The following TUBD1 variants were observed in gnomAD, a reference collection of about 807,000 sequenced individuals.
The protein encoded by TUBD1 is tubulin delta 1, also known as tubulin delta chain.
TUBD1 carries 38 observed loss-of-function variants against 51.2 expected under a neutral mutation model. The observed-to-expected ratio is 0.74, with a 90% CI of 0.57 to 0.97. The LOEUF (loss-of-function observed/expected upper bound fraction) is 0.97. TUBD1 is among the 50% of genes least tolerant of loss of function. The probability of loss-of-function intolerance (pLI) is 0.00; values close to 1 mark genes in which losing one functional copy is unlikely to be tolerated. For synonymous variants in TUBD1, 169 were observed against 178.2 expected, an observed-to-expected ratio of 0.95 and a Z score of 0.41; for missense variants, 489 against 538.4, an observed-to-expected ratio of 0.91 and a Z score of 0.91.
chr17:59,863,668 A>G lies in TUBD1; in HGVS notation c.1255T>C (p.Ser419Pro). The G allele has an allele frequency of 6.4e-7, 1 of 1,550,748 alleles. No individual in the cohort carries two copies. Among genetic ancestry groups the G allele is most frequent in the Non-Finnish European group, 8.7e-7 (1 of 1,155,956 alleles). Reference protein sequence around the residue: ...IVGKAWNMFASKAYIHQYTKF... With the variant: ...IVGKAWNMFAPKAYIHQYTKF... ...GTAGACTTATTTTATACTTACTTTG[A>G]AGCAAACATATTCCATGCCTTCCCA... The change falls in exon 8 of 9, where the codon TCA becomes CCA. Residue 419 changes from serine to proline, a missense_variant. Ser to Pro is a moderately conservative substitution (Grantham distance 74). Transcript: ENST00000325752.
rs542128647 is a variant in TUBD1 at position 59,880,618 on chromosome 17, T to C, written c.537+276A>G. ...CAAGCTCCGCCTCATGGGTTCACGC[T>C]ATACTCCTGCCTCAGCCTCCCGAGT... On this transcript the variant is annotated intron_variant, in intron 4 of 8. Coordinates refer to ENST00000325752, the MANE Select transcript of TUBD1 (RefSeq NM_016261.4). Among the ~76,000 whole-genome samples, 27 of 151,890 alleles carry C rather than the reference T, an allele frequency of 1.8e-4. No individual in the cohort carries two copies. The East Asian group carries it at 4.3e-3, about 24-fold the overall frequency.
intron 6 of TUBD1, among the ~76,000 whole-genome samples, chr17:59,873,062 C>T (rs1192833567): frequency 1.3e-5 from 2 of 151,656 alleles, no homozygotes; most frequent in African/African-American, 4.8e-5. Flanking sequence ...TGCGCCCAGG[C>T]CAATTCTCAA....
intron 6 of TUBD1, 121 bp from the exon 7 acceptor site, chr17:59,866,870 A>G (rs8074458): frequency 0.13 from 95,592 of 718,104 alleles, 13,196 homozygotes; most frequent in African/African-American, 0.58. Context: ...TGCAACCTCC[A>G]TCTCCCAGGA....
intron 8 of TUBD1, 112 bp downstream of exon 8, chr17:59,863,552 T>G: frequency 1.2e-6 from 1 of 802,356 alleles, no homozygotes; most frequent in Non-Finnish European, 1.7e-6. Flanking sequence ...GAGGTTGCAG[T>G]GAGCCAGTGA....
intron 3 of TUBD1, chr17:59,884,612 T>A (rs2144557372): frequency 6.7e-6 from 1 of 150,260 alleles, no homozygotes; most frequent in East Asian, 2.0e-4. Flanking sequence ...AGACTCCGTC[T>A]CAAAAAAATA....
At chr17:59,860,511 T>C (rs555811869) in intron 8 of TUBD1, 87 bp from the exon 9 acceptor site, 1 of 786,966 alleles carries the variant, frequency 1.3e-6, no homozygotes, top group East Asian at 2.6e-5. Context: ...AGACCTTTTC[T>C]AGCTGATGAA....
At position 59,878,232 on chromosome 17, in the gene TUBD1, C is replaced by T; in HGVS notation, c.640G>A (p.Ala214Thr). The T allele has an allele frequency of 6.2e-7, 1 of 1,614,048 alleles. No homozygotes were observed. Among genetic ancestry groups the T allele is most frequent in the Non-Finnish European group, 8.5e-7 (1 of 1,180,010 alleles). Residue 214 changes from alanine to threonine, a missense_variant, in exon 5 of 9, where the codon GCA becomes ACA. By Grantham distance (58) the Ala-to-Thr change is moderately conservative. Coordinates refer to ENST00000325752, the MANE Select transcript of TUBD1 (RefSeq NM_016261.4). ...HENDAIHKIC[A>T]KLMNIKQISF... is the part of the protein sequence containing the mutation. ...ATCTGCTTGATATTCATCAGTTTTG[C>T]ACAGATCTTATGGATGGCATCATTC...
chr17:59,883,937 C>T (rs542996346), intron 3 of TUBD1, among the ~76,000 whole-genome samples: 1 of 152,134 alleles, frequency 6.6e-6, no homozygotes, highest in African/African-American at 2.4e-5. Context: ...TTTAATATTC[C>T]TAACAGTCCT....
intron 4 of TUBD1, among the ~76,000 whole-genome samples, chr17:59,879,268 CAAA>C (rs373101335): frequency 2.3e-5 from 3 of 128,414 alleles, no homozygotes. Context: ...AACTCTGTCT[CAAA>C]AAAAAAAAAA....
At chr17:59,869,521 A>G (rs768222785) in intron 6 of TUBD1, among the ~76,000 whole-genome samples, 1 of 151,994 alleles carries the variant, frequency 6.6e-6, no homozygotes, top group Admixed American at 6.6e-5. Context: ...TGACACCCTA[A>G]AAGTTCCACA....
At chr17:59,888,668 T>C (rs1211009930) in intron 2 of TUBD1, among the ~76,000 whole-genome samples, 5 of 151,756 alleles carry the variant, frequency 3.3e-5, no homozygotes, top group Non-Finnish European at 1.5e-5. Flanking sequence ...ATGCAACAAC[T>C]GGAGAAGAAA....
chr17:59,864,893 G>A (rs1409538609), intron 7 of TUBD1, among the ~76,000 whole-genome samples: 1 of 151,632 alleles, frequency 6.6e-6, no homozygotes, highest in African/African-American at 2.4e-5. Context: ...CACTCTTGTC[G>A]CCCAGGCTGG....
rs770696734 is a variant in TUBD1 at position 59,866,719 on chromosome 17, G to C, written c.965C>G (p.Ser322Ter). ...GIDRHVWPPL[S>*]GLPPLSKMSL... Reference sequence around the variant, plus strand: ...CATTTTACTAAGAGGAGGAAGTCCTGATAAAGGAGGCCATACATGCCTATC... The same window carrying C: ...CATTTTACTAAGAGGAGGAAGTCCTCATAAAGGAGGCCATACATGCCTATC... Residue 322 changes from serine to a stop codon, truncating the protein, a stop_gained, in exon 7 of 9, where the codon TCA (serine) becomes TGA (stop). Transcript: ENST00000325752. LOFTEE classifies it high-confidence loss of function. 1 of 1,613,694 alleles carries C rather than the reference G, an allele frequency of 6.2e-7. No individual in the cohort carries two copies. The highest frequency in any genetic ancestry group is 1.7e-5 in the Admixed American group (1 of 59,930).
chr17:59,890,973 C>G lies in TUBD1; in HGVS notation c.30G>C (p.Gln10His). The change falls in exon 2 of 9, where the codon CAG becomes CAC. Residue 10 changes from glutamine to histidine, a missense_variant. Transcript: ENST00000325752. The part of the protein sequence containing the change: MSIVTVQLG[Q>H]CGNQIGFEVF... ...CTTCAAAACCAATCTGATTGCCACA[C>G]TGACCAAGTTGCACTGTTACAATTG... 2 of 1,613,530 alleles carry G rather than the reference C, an allele frequency of 1.2e-6. No individual in the cohort carries two copies. The highest frequency in any genetic ancestry group is 2.2e-5 in the East Asian group (1 of 44,866).
At chr17:59,889,529 C>T (rs1322018731) in intron 2 of TUBD1, among the ~76,000 whole-genome samples, 1 of 150,656 alleles carries the variant, frequency 6.6e-6, no homozygotes, top group East Asian at 2.0e-4. Flanking sequence ...ATTAGTTGGG[C>T]GTGGTGGCGC....
At position 59,889,967 on chromosome 17, in the gene TUBD1, C is replaced by CAA. The variant is rs35427875; in HGVS notation, c.172+862_172+863dup. 2.6e-3 allele frequency among the ~76,000 whole-genome samples: 176 copies of CAA among 68,950 alleles called. 3 individuals carry two copies. Among genetic ancestry groups the CAA allele is most frequent in the Admixed American group, 4.6e-3 (27 of 5,834 alleles). The allele number at this position is 68,950 out of a possible 152,430, so 45.2% of individuals were successfully genotyped here. On this transcript the variant is annotated intron_variant, in intron 2 of 8. Transcript: ENST00000325752. ...CCCGGGTGACAGAGCGAGACTCTCTCAAAAAAAAAAAAAAAAAAAAGAGAG... is the reference window on the plus strand; with the variant it reads ...CCCGGGTGACAGAGCGAGACTCTCTCAAAAAAAAAAAAAAAAAAAAAAGAGAG...
chr17:59,883,795 C>T (rs2040593969), intron 3 of TUBD1, among the ~76,000 whole-genome samples: 1 of 152,100 alleles, frequency 6.6e-6, no homozygotes, highest in Non-Finnish European at 1.5e-5. Flanking sequence ...TCAAGCGATC[C>T]TCCTGCCTTG....
chr17:59,875,147 C>T (rs1263797997), intron 5 of TUBD1, among the ~76,000 whole-genome samples: 2 of 136,014 alleles, frequency 1.5e-5, no homozygotes, highest in Admixed American at 8.6e-5. Flanking sequence ...GGCGTGATCT[C>T]GGCTCACTGC....
intron 2 of TUBD1, chr17:59,886,754 A>G (rs1489626081): frequency 2.0e-5 from 3 of 152,070 alleles, no homozygotes; most frequent in Non-Finnish European, 4.4e-5. Context: ...CTAGCCTTAG[A>G]AAGGGCAGGT....
Sources: allele counts gnomAD v4.1 joint callset (sites outside exome capture counted in the v4.1 genomes callset), GRCh38; gene constraint gnomAD v4.1.1; transcripts MANE v1.5; gene names NCBI Gene and HGNC (gene_info 2026-07-23, HGNC 2026-07-21).